Variants in UHRF1 observed in about 807,000 individuals in gnomAD.
UHRF1 encodes ubiquitin like with PHD and ring finger domains 1, also known as E3 ubiquitin-protein ligase UHRF1.
A neutral mutation model predicts 96.5 loss-of-function variants in UHRF1; 9 were observed. The ratio of observed to expected loss-of-function variants is 0.09; its 90% confidence interval spans 0.06 to 0.16. UHRF1 has a LOEUF of 0.16. UHRF1 is among the 10% of genes least tolerant of loss of function. The pLI is 1.00. For missense variants in UHRF1, 626 were observed against 1,131.1 expected, an observed-to-expected ratio of 0.55 and a Z score of 6.40; for synonymous variants, 455 against 469.9, an observed-to-expected ratio of 0.97 and a Z score of 0.41.
chr19:4,937,313 T>TTTA (rs1555750756), intron 5 of UHRF1, among the ~76,000 whole-genome samples: 1 of 150,672 alleles, frequency 6.6e-6, no homozygotes, highest in African/African-American at 2.4e-5. Context: ...TTTTTTTTTT[T>TTTA]AACGACCCAT....
intron 5 of UHRF1, among the ~76,000 whole-genome samples, chr19:4,934,710 G>A (rs189287928): frequency 2.8e-4 from 42 of 152,292 alleles, no homozygotes; most frequent in African/African-American, 7.7e-4. Context: ...GGCGTTCCAA[G>A]TACAGGTACA....
At chr19:4,920,136 G>A (rs1004090739) in intron 2 of UHRF1, among the ~76,000 whole-genome samples, 11 of 152,132 alleles carry the variant, frequency 7.2e-5, no homozygotes, top group African/African-American at 2.4e-4. Flanking sequence ...AATTATTAAT[G>A]AAGAATAAAA....
Position 4,954,859 on chromosome 19 carries a change from G to A in UHRF1, c.2130+37G>A, listed in dbSNP as rs372472662. Reference sequence around the variant, plus strand: ...CGGCTCACTCGTCGCCCTGATTTGCGTTGACTGCGGTAAAATGTGTGGGGC... The same window carrying A: ...CGGCTCACTCGTCGCCCTGATTTGCATTGACTGCGGTAAAATGTGTGGGGC... On this transcript the variant is annotated intron_variant, in intron 15 of 16. Coordinates refer to ENST00000650932, the MANE Select transcript of UHRF1 (RefSeq NM_001048201.3). The surrounding 1 kb of genome is among the most constrained non-coding windows in gnomAD (Gnocchi z 5.9). 35 of 1,606,570 alleles carry A rather than the reference G, an allele frequency of 2.2e-5. No individual in the cohort carries two copies. The highest frequency in any genetic ancestry group is 6.7e-5 in the East Asian group (3 of 44,772).
intron 2 of UHRF1, among the ~76,000 whole-genome samples, chr19:4,921,212 G>C (rs528246917): frequency 6.6e-6 from 1 of 152,272 alleles, no homozygotes; most frequent in Admixed American, 6.5e-5. Flanking sequence ...GGCCAAGGCG[G>C]GTGGATCAAC....
At chr19:4,906,623 C>T (rs917319344), upstream of UHRF1, among the ~76,000 whole-genome samples, 4 of 151,994 alleles carry the variant, frequency 2.6e-5, no homozygotes, top group African/African-American at 9.7e-5. Context: ...CATGGTGGTG[C>T]GGACCTCTAG....
chr19:4,951,217 G>C (rs2033709609), intron 13 of UHRF1, among the ~76,000 whole-genome samples: 1 of 152,216 alleles, frequency 6.6e-6, no homozygotes, highest in Non-Finnish European at 1.5e-5. Context: ...AATGAGCTGA[G>C]ATTGCGCCAC....
chr19:4,931,387 C>T (rs1263003350), intron 4 of UHRF1, among the ~76,000 whole-genome samples: 1 of 152,226 alleles, frequency 6.6e-6, no homozygotes, highest in Non-Finnish European at 1.5e-5. Flanking sequence ...AGCGATTCTC[C>T]TGCCTCAGCC....
At chr19:4,929,539 A>G (rs1398197696) in intron 3 of UHRF1, 63 bp downstream of exon 3, 1 of 1,562,362 alleles carries the variant, frequency 6.4e-7, no homozygotes, top group African/African-American at 1.4e-5. Flanking sequence ...TGGTCTTTGC[A>G]TACCCAGGGC....
chr19:4,924,533 C>T (rs1303309091), intron 2 of UHRF1, among the ~76,000 whole-genome samples: 1 of 152,158 alleles, frequency 6.6e-6, no homozygotes, highest in Non-Finnish European at 1.5e-5. Context: ...ATCTGCCCAC[C>T]TCGGCCTCCC....
chr19:4,920,799 T>C (rs2032676612), intron 2 of UHRF1, among the ~76,000 whole-genome samples: 1 of 152,096 alleles, frequency 6.6e-6, no homozygotes, highest in Admixed American at 6.6e-5. Context: ...CAGTGCATCT[T>C]CCCCAGTGGC....
At chr19:4,924,270 C>T (rs1030765825) in intron 2 of UHRF1, among the ~76,000 whole-genome samples, 1 of 152,208 alleles carries the variant, frequency 6.6e-6, no homozygotes, top group African/African-American at 2.4e-5. Context: ...CTGCCTCAGC[C>T]TCCCGAGTAG....
At chr19:4,918,504 AC>A (rs1180995958) in intron 2 of UHRF1, among the ~76,000 whole-genome samples, 1 of 146,480 alleles carries the variant, frequency 6.8e-6, no homozygotes, top group East Asian at 2.0e-4. Flanking sequence ...CGCAACCTCC[AC>A]CTCCCGGGTT....
upstream of UHRF1, among the ~76,000 whole-genome samples, chr19:4,905,622 ATTC>A (rs1288821110): frequency 6.6e-6 from 1 of 151,806 alleles, no homozygotes; most frequent in African/African-American, 2.4e-5. Flanking sequence ...GGTTCAAGCA[ATTC>A]TTCTGCCTCT....
chr19:4,955,405 C>G (rs1452067419), intron 15 of UHRF1, among the ~76,000 whole-genome samples: 5 of 152,120 alleles, frequency 3.3e-5, no homozygotes, highest in African/African-American at 4.8e-5. Flanking sequence ...TCTCACTCTC[C>G]CGCCCTCTCT....
At position 4,947,087 on chromosome 19, in the gene UHRF1, C is replaced by G; in HGVS notation, c.1411-18C>G. ...TTGCCTCTGCAGAGGGTTCACCCAG[C>G]CTTCTTGTCTGTTTCAGGACCATGG... On this transcript the variant is annotated intron_variant, in intron 10 of 16. Coordinates refer to ENST00000650932, the MANE Select transcript of UHRF1 (RefSeq NM_001048201.3). 1 of 1,604,982 alleles carries G rather than the reference C, an allele frequency of 6.2e-7. No homozygotes were observed. The highest frequency in any genetic ancestry group is 8.5e-7 in the Non-Finnish European group (1 of 1,173,028).
intron 2 of UHRF1, among the ~76,000 whole-genome samples, chr19:4,916,004 G>A (rs959381498): frequency 3.3e-5 from 5 of 152,110 alleles, no homozygotes; most frequent in African/African-American, 7.2e-5. Context: ...TATGTCTGCC[G>A]GCTGTTAGTG....
intron 13 of UHRF1, among the ~76,000 whole-genome samples, chr19:4,952,948 G>A (rs920585916): frequency 6.6e-6 from 1 of 152,070 alleles, no homozygotes; most frequent in African/African-American, 2.4e-5. Flanking sequence ...TGCTCTCAGC[G>A]CTTGCAGTCC....
chr19:4,934,025 C>CTT lies in UHRF1; in HGVS notation c.785+1082_785+1083dup, dbSNP rs35115043. ...AAAATGTATGTAACAGAAAATTTAC[C>CTT]TTTTTTTTTTTTTTAAAAGACAGAG... On this transcript the variant is annotated intron_variant, in intron 5 of 16. Transcript: ENST00000650932. Among the ~76,000 whole-genome samples the CTT allele has an allele frequency of 6.0e-3, 777 of 130,284 alleles. 5 individuals carry two copies. Among genetic ancestry groups the CTT allele is most frequent in the African/African-American group, 0.021 (740 of 34,718 alleles). 85.5% of individuals were successfully genotyped at this position (130,284 alleles called of 152,430 possible).
upstream of UHRF1, among the ~76,000 whole-genome samples, chr19:4,908,049 C>T (rs1004837534): frequency 2.0e-5 from 3 of 152,284 alleles, no homozygotes; most frequent in Non-Finnish European, 4.4e-5. Context: ...TCCACTTTCC[C>T]ATCTCCTTTG....
Sources: gnomAD v4.1 joint callset for allele counts (sites outside exome capture counted in the v4.1 genomes callset) on GRCh38, gnomAD v4.1.1 for gene constraint, Gnocchi (gnomAD v3.1) non-coding constraint, MANE v1.5 for transcripts, NCBI Gene and HGNC (gene_info 2026-07-23, HGNC 2026-07-21) for gene names.